CNTNAP2: variants seen among roughly 807,000 people sequenced by gnomAD.
The protein encoded by CNTNAP2 is contactin associated protein 2, also known as contactin-associated protein-like 2.
CNTNAP2 carries 98 observed loss-of-function variants against 155.2 expected under a neutral mutation model. The ratio of observed to expected loss-of-function variants is 0.63; its 90% CI spans 0.54 to 0.75. The LOEUF (loss-of-function observed/expected upper bound fraction) is 0.75. Ranked by LOEUF, CNTNAP2 falls within the 30% of genes least tolerant of loss-of-function variation. The probability of loss-of-function intolerance (pLI) is 0.00; values close to 1 mark genes in which losing one functional copy is unlikely to be tolerated. For synonymous variants in CNTNAP2, 651 were observed against 631.2 expected, an observed-to-expected ratio of 1.03 and a Z score of -0.47; for missense variants, 1,727 against 1,688.1, an observed-to-expected ratio of 1.02 and a Z score of -0.40.
chr7:146,823,322 C>A (rs531106551), intron 2 of CNTNAP2, among the ~76,000 whole-genome samples: 1 of 148,116 alleles, frequency 6.8e-6, no homozygotes, highest in South Asian at 2.2e-4. Context: ...TAAATATACT[C>A]ATTCTTCAGT....
At chr7:146,352,017 A>C (rs746759516) in intron 1 of CNTNAP2, among the ~76,000 whole-genome samples, 33 of 152,242 alleles carry the variant, frequency 2.2e-4, no homozygotes, top group Non-Finnish European at 4.4e-5. Flanking sequence ...AGAGGAAAGA[A>C]GACTTCAAGG....
intron 1 of CNTNAP2, among the ~76,000 whole-genome samples, chr7:146,362,353 G>T (rs1335595457): frequency 6.6e-6 from 1 of 152,110 alleles, no homozygotes; most frequent in Non-Finnish European, 1.5e-5. Context: ...AAACAGGTAA[G>T]GTATGAGGTC....
chr7:146,284,820 C>T (rs975809888), intron 1 of CNTNAP2, among the ~76,000 whole-genome samples: 22 of 152,124 alleles, frequency 1.4e-4, no homozygotes, highest in Non-Finnish European at 3.1e-4. Flanking sequence ...GTGATAACAC[C>T]ACTCGTCTCT....
In CNTNAP2 at chr7:147,371,110, T is replaced by G. The variant is rs546330586; in HGVS notation, c.1499-24499T>G. On this transcript the variant is annotated intron_variant, in intron 9 of 23. Coordinates refer to ENST00000361727, the MANE Select transcript of CNTNAP2 (RefSeq NM_014141.6). ...AAATTCACCTCACAAAGGGAATTTATTCAATCCAAACGCCCTCCTATTGCT... is the reference window on the plus strand; with the variant it reads ...AAATTCACCTCACAAAGGGAATTTAGTCAATCCAAACGCCCTCCTATTGCT... Among the ~76,000 whole-genome samples the G allele has an allele frequency of 4.6e-5, 7 of 152,258 alleles. No individual in the cohort carries two copies. The South Asian group carries it at 1.5e-3, about 32-fold the overall frequency.
intron 1 of CNTNAP2, among the ~76,000 whole-genome samples, chr7:146,663,938 C>T (rs1176064986): frequency 6.6e-6 from 1 of 152,036 alleles, no homozygotes; most frequent in Non-Finnish European, 1.5e-5. Context: ...TCCCTGCTTT[C>T]TTCCCAGTCT....
At chr7:147,003,865 C>T (rs181567708) in intron 3 of CNTNAP2, among the ~76,000 whole-genome samples, 371 of 151,916 alleles carry the variant, frequency 2.4e-3, no homozygotes, top group South Asian at 0.011. Flanking sequence ...CCCATATTTA[C>T]AAATAATTTT....
chr7:147,915,687 A>T (rs1800146556), intron 14 of CNTNAP2, among the ~76,000 whole-genome samples: 2 of 146,970 alleles, frequency 1.4e-5, no homozygotes. Flanking sequence ...GTTCATTTTC[A>T]TTCAGTTAAG....
chr7:146,208,115 G>A (rs1002566514), intron 1 of CNTNAP2, among the ~76,000 whole-genome samples: 2 of 152,014 alleles, frequency 1.3e-5, no homozygotes, highest in Non-Finnish European at 2.9e-5. Flanking sequence ...TACTATATAT[G>A]ACTTTAGCAG....
At chr7:146,670,501 TTA>T (rs1234995727) in intron 1 of CNTNAP2, among the ~76,000 whole-genome samples, 1 of 152,186 alleles carries the variant, frequency 6.6e-6, no homozygotes, top group Non-Finnish European at 1.5e-5. Context: ...TCTGCCCTGT[TTA>T]TAGTCTTATA....
intron 1 of CNTNAP2, among the ~76,000 whole-genome samples, chr7:146,630,130 C>A (rs1026396042): frequency 3.3e-5 from 5 of 151,956 alleles, no homozygotes; most frequent in Admixed American, 6.6e-5. Context: ...CTCTCCCTCC[C>A]CTAGCCCCTC....
chr7:148,267,672 A>C (rs1209046538), intron 21 of CNTNAP2, among the ~76,000 whole-genome samples: 3 of 149,090 alleles, frequency 2.0e-5, no homozygotes, highest in Admixed American at 6.7e-5. Context: ...AAAAAAAAAA[A>C]CAACCAAACA....
chr7:147,740,200 C>G (rs578127246), intron 13 of CNTNAP2, among the ~76,000 whole-genome samples: 1 of 152,316 alleles, frequency 6.6e-6, no homozygotes, highest in Admixed American at 6.5e-5. Context: ...CATTCTGATT[C>G]TACTTTGGTA....
At chr7:147,916,639 C>T (rs908714990) in intron 14 of CNTNAP2, among the ~76,000 whole-genome samples, 7 of 145,014 alleles carry the variant, frequency 4.8e-5, no homozygotes, top group African/African-American at 1.5e-4. Flanking sequence ...TATTTCTCTC[C>T]ACTTGCTTGA....
intron 20 of CNTNAP2, among the ~76,000 whole-genome samples, chr7:148,248,045 G>A (rs1224981421): frequency 6.6e-6 from 1 of 151,944 alleles, no homozygotes; most frequent in East Asian, 1.9e-4. Flanking sequence ...TGACAGACGT[G>A]CACACCCATG....
At chr7:147,029,114 C>T (rs1798978808) in intron 3 of CNTNAP2, among the ~76,000 whole-genome samples, 1 of 151,886 alleles carries the variant, frequency 6.6e-6, no homozygotes, top group South Asian at 2.1e-4. Flanking sequence ...CAGGCACCCG[C>T]CACCACGCCC....
intron 4 of CNTNAP2, among the ~76,000 whole-genome samples, chr7:147,053,366 C>A (rs1004006247): frequency 6.6e-6 from 1 of 151,920 alleles, no homozygotes; most frequent in Admixed American, 6.6e-5. Flanking sequence ...AATTTGTTTA[C>A]TTGGAAGAAA....
At chr7:146,703,405 A>G (rs1044109545) in intron 1 of CNTNAP2, among the ~76,000 whole-genome samples, 3 of 152,186 alleles carry the variant, frequency 2.0e-5, no homozygotes, top group African/African-American at 7.2e-5. Context: ...TAACTCTGTC[A>G]TGCTTAATGT....
chr7:146,340,168 C>CAAAAAAA, intron 1 of CNTNAP2, among the ~76,000 whole-genome samples: 1 of 54,882 alleles, frequency 1.8e-5, no homozygotes, highest in Non-Finnish European at 4.0e-5. Context: ...GACTCCGCCT[C>CAAAAAAA]AAAAAAAAAA....
intron 20 of CNTNAP2, among the ~76,000 whole-genome samples, chr7:148,244,578 TTC>T (rs1235366458): frequency 6.6e-6 from 1 of 151,498 alleles, no homozygotes; most frequent in Non-Finnish European, 1.5e-5. Flanking sequence ...TTTTTTTTTT[TTC>T]AATACAGGGT....
Sources: allele counts gnomAD v4.1 joint callset (sites outside exome capture counted in the v4.1 genomes callset), GRCh38; gene constraint gnomAD v4.1.1; transcripts MANE v1.5; gene names NCBI Gene and HGNC (gene_info 2026-07-23, HGNC 2026-07-21).